The following RPS6KA2 variants were observed in gnomAD, a reference collection of about 807,000 sequenced individuals.
RPS6KA2 encodes ribosomal protein S6 kinase A2, also known as ribosomal protein S6 kinase alpha-2.
In RPS6KA2, 42 loss-of-function variants were observed where a neutral mutation model predicts 91.8. The observed-to-expected ratio is 0.46, with a 90% CI of 0.36 to 0.59. The LOEUF is 0.59. Ranked by LOEUF, RPS6KA2 falls within the 20% of genes least tolerant of loss-of-function variation. RPS6KA2 has a pLI of 0.00. For synonymous variants in RPS6KA2, 414 were observed against 393.6 expected (o/e 1.05, Z -0.61); for missense variants, 798 against 978.5 (o/e 0.82, Z 2.46).
rs181973021 is a variant in RPS6KA2, at chr6:166,658,363, C to T, written c.124-119579G>A. Among the ~76,000 whole-genome samples, 4 of 152,334 alleles carry T rather than the reference C, an allele frequency of 2.6e-5. No homozygotes were observed. In the East Asian group the frequency reaches 7.7e-4, roughly 29 times the overall value. ...CCCACTGTACGCAGAGATCACAAGGCTTCCCGAGCCAAACCCTTCAGGATC... is the reference window on the plus strand; with the variant it reads ...CCCACTGTACGCAGAGATCACAAGGTTTCCCGAGCCAAACCCTTCAGGATC... On this transcript the variant is annotated intron_variant, in intron 2 of 21. Transcript: ENST00000503859.
chr6:166,428,011 A>G (rs986275292), intron 16 of RPS6KA2, among the ~76,000 whole-genome samples: 23 of 151,696 alleles, frequency 1.5e-4, no homozygotes, highest in Non-Finnish European at 2.5e-4. Flanking sequence ...TCCTAAGCCA[A>G]AAGAACAAAG....
At chr6:166,464,857 T>C (rs1780461898) in intron 11 of RPS6KA2, among the ~76,000 whole-genome samples, 1 of 152,152 alleles carries the variant, frequency 6.6e-6, no homozygotes, top group South Asian at 2.1e-4. Context: ...CACTCGCTCA[T>C]CTCTGAAGCT....
chr6:166,687,664 T>C (rs1317778031), intron 2 of RPS6KA2, among the ~76,000 whole-genome samples: 1 of 152,258 alleles, frequency 6.6e-6, no homozygotes, highest in Admixed American at 6.5e-5. Flanking sequence ...TTTGCTCAGA[T>C]GTGGCTTATT....
Position 166,490,629 on chromosome 6 carries a change from A to G in RPS6KA2, c.818+42T>C, listed in dbSNP as rs1462716408. On this transcript the variant is annotated intron_variant, in intron 9 of 20. Transcript: ENST00000265678. The surrounding 1 kb of genome is among the most constrained non-coding windows in gnomAD (Gnocchi z 4.2). ...CAGAGGCAGCAGCTCTTGATATCAG[A>G]AGGTGCTCGCAGGTCTCTGGGGTGG... The G allele has an allele frequency of 2.2e-6, 3 of 1,359,070 alleles. No homozygotes were observed. The African/African-American group carries it at 4.3e-5, about 20-fold the overall frequency. 84.2% of individuals were successfully genotyped at this position (1,359,070 alleles called of 1,614,324 possible).
At chr6:166,550,982 C>T (rs1252386046) in intron 1 of RPS6KA2, among the ~76,000 whole-genome samples, 6 of 56,668 alleles carry the variant, frequency 1.1e-4, no homozygotes, top group African/African-American at 2.9e-4. Context: ...GCAACAGAGC[C>T]GGACTCTATC....
intron 19 of RPS6KA2, among the ~76,000 whole-genome samples, chr6:166,415,393 C>T (rs1488821239): frequency 6.6e-6 from 1 of 152,104 alleles, no homozygotes; most frequent in Non-Finnish European, 1.5e-5. Context: ...GAAAGACATA[C>T]TAATTTGTAG....
intron 5 of RPS6KA2, among the ~76,000 whole-genome samples, chr6:166,507,530 A>G (rs1029247754): frequency 6.6e-6 from 1 of 151,158 alleles, no homozygotes; most frequent in Non-Finnish European, 1.5e-5. Flanking sequence ...CATACCACAC[A>G]TACCACATAT....
chr6:166,689,639 T>A (rs1199385073), intron 2 of RPS6KA2, among the ~76,000 whole-genome samples: 1 of 152,110 alleles, frequency 6.6e-6, no homozygotes, highest in Non-Finnish European at 1.5e-5. Context: ...GGGGACCTAG[T>A]GGGACAGGTG....
chr6:166,715,731 C>T (rs1789990873), intron 2 of RPS6KA2, among the ~76,000 whole-genome samples: 2 of 152,082 alleles, frequency 1.3e-5, no homozygotes, highest in South Asian at 2.1e-4. Flanking sequence ...GCTTCCTGGT[C>T]GTGTATCCAA....
intron 11 of RPS6KA2, among the ~76,000 whole-genome samples, chr6:166,464,707 A>T (rs1237371640): frequency 6.6e-6 from 1 of 152,096 alleles, no homozygotes; most frequent in Non-Finnish European, 1.5e-5. Flanking sequence ...GCCACGGGGG[A>T]AAAACCAACA....
chr6:166,418,208 C>T lies in RPS6KA2; in HGVS notation c.1938+17G>A, dbSNP rs1416780397. ...AGAATCTGAATATTTAAAAGCAACG[C>T]TGGGACATGTACTCACTTTAGCTGC... On this transcript the variant is annotated intron_variant, in intron 19 of 20. Coordinates refer to ENST00000265678, the MANE Select transcript of RPS6KA2 (RefSeq NM_021135.6). The surrounding 1 kb of genome is among the most constrained non-coding windows in gnomAD (Gnocchi z 4.9). 6.6e-7 allele frequency: 1 copy of T among 1,510,968 alleles called. No individual in the cohort carries two copies. 93.6% of individuals were successfully genotyped at this position (1,510,968 alleles called of 1,614,324 possible).
In RPS6KA2 at chr6:166,807,810, C is replaced by A. The variant is rs183078435; in HGVS notation, c.123+50390G>T. ...GCTTCCTCAGTCTTCATTCGTAAGG[C>A]CTTCCCTCAACACCTGTTTAAAATG... On this transcript the variant is annotated intron_variant, in intron 2 of 21. Coordinates refer to the RPS6KA2 transcript ENST00000503859. Among the ~76,000 whole-genome samples, 18 of 152,160 alleles carry A rather than the reference C, an allele frequency of 1.2e-4. No homozygotes were observed. In the South Asian group the frequency reaches 2.3e-3, roughly 19 times the overall value.
chr6:166,425,001 C>T (rs776163343), intron 16 of RPS6KA2, among the ~76,000 whole-genome samples: 1 of 152,172 alleles, frequency 6.6e-6, no homozygotes, highest in African/African-American at 2.4e-5. Context: ...CTGCCCTCCC[C>T]TTCTTTACCT....
intron 2 of RPS6KA2, among the ~76,000 whole-genome samples, chr6:166,730,851 A>T (rs1472914825): frequency 6.6e-6 from 1 of 152,202 alleles, no homozygotes; most frequent in Non-Finnish European, 1.5e-5. Flanking sequence ...GCTGCTATGA[A>T]GAATCTGTAG....
intron 1 of RPS6KA2, among the ~76,000 whole-genome samples, chr6:166,604,504 T>C (rs1316964637): frequency 1.3e-5 from 2 of 152,210 alleles, no homozygotes; most frequent in Non-Finnish European, 2.9e-5. Flanking sequence ...CTGGGTTCAC[T>C]GGGGATCGTA....
chr6:166,505,185 A>G (rs1295536965), intron 5 of RPS6KA2, among the ~76,000 whole-genome samples: 1 of 151,698 alleles, frequency 6.6e-6, no homozygotes, highest in African/African-American at 2.4e-5. Context: ...GGGTGCCCCA[A>G]GCTGAGGGGG....
At chr6:166,446,089 T>C (rs947115559) in intron 14 of RPS6KA2, among the ~76,000 whole-genome samples, 2 of 152,254 alleles carry the variant, frequency 1.3e-5, no homozygotes, top group Admixed American at 6.5e-5. Flanking sequence ...TGCTCTGCAC[T>C]GGGTCAAAGC....
chr6:166,602,139 C>T (rs536983519), intron 1 of RPS6KA2, among the ~76,000 whole-genome samples: 1 of 152,324 alleles, frequency 6.6e-6, no homozygotes, highest in South Asian at 2.1e-4. Context: ...TCGGGCAGTG[C>T]GTGTTCCGGC....
At chr6:166,766,635 A>AT (rs1452723049) in intron 2 of RPS6KA2, among the ~76,000 whole-genome samples, 2 of 152,234 alleles carry the variant, frequency 1.3e-5, no homozygotes, top group African/African-American at 4.8e-5. Context: ...AAAGACATTT[A>AT]TAAGTATGGC....
Sources: gnomAD v4.1 joint callset for allele counts (sites outside exome capture counted in the v4.1 genomes callset) on GRCh38, gnomAD v4.1.1 for gene constraint, Gnocchi (gnomAD v3.1) non-coding constraint, MANE v1.5 for transcripts, NCBI Gene and HGNC (gene_info 2026-07-23, HGNC 2026-07-21) for gene names.